The following TMEM192 variants were observed in gnomAD, a reference collection of about 807,000 sequenced individuals.
TMEM192 encodes the protein transmembrane protein 192.
TMEM192 carries 20 observed loss-of-function variants against 26.7 expected under a neutral mutation model. That is an observed-to-expected ratio of 0.75 (90% CI 0.53 to 1.09). TMEM192 has a LOEUF of 1.09. Ranked by LOEUF, TMEM192 falls within the 50% of genes least tolerant of loss-of-function variation. The probability of loss-of-function intolerance (pLI) is 0.00; values close to 1 mark genes in which losing one functional copy is unlikely to be tolerated. For synonymous variants in TMEM192, 124 were observed against 121.0 expected, an observed-to-expected ratio of 1.02 and a Z score of -0.16; for missense variants, 304 against 322.6, an observed-to-expected ratio of 0.94 and a Z score of 0.44.
At chr4:165,093,730 T>C (rs981967675) in intron 3 of TMEM192, among the ~76,000 whole-genome samples, 4 of 152,080 alleles carry the variant, frequency 2.6e-5, no homozygotes, top group Non-Finnish European at 5.9e-5. Flanking sequence ...ACAGTAATAG[T>C]CTAATAATGG....
rs1734465895 is a variant in TMEM192, at chr4:165,079,371, G to A, written c.*287C>T. The A allele has an allele frequency of 6.7e-6, 2 of 299,112 alleles. No individual in the cohort carries two copies. The highest frequency in any genetic ancestry group is 1.1e-4 in the South Asian group (1 of 9,054). 18.5% of individuals were successfully genotyped at this position (299,112 alleles called of 1,614,324 possible). ...CAGGTGGAAAAGTGTTGACTATGGA[G>A]TTGTTTAGCCTCTGATCCTAGGATA... On this transcript the variant is annotated 3_prime_UTR_variant, in exon 6 of 6. Coordinates refer to ENST00000306480, the MANE Select transcript of TMEM192 (RefSeq NM_001100389.2).
chr4:165,100,153 A>T (rs1049466624), intron 3 of TMEM192, among the ~76,000 whole-genome samples: 4 of 144,792 alleles, frequency 2.8e-5, no homozygotes, highest in African/African-American at 1.1e-4. Flanking sequence ...ATATTTCATA[A>T]TAAAAGTTCT....
intron 1 of TMEM192, among the ~76,000 whole-genome samples, chr4:165,109,383 C>A (rs913544445): frequency 6.6e-6 from 1 of 152,106 alleles, no homozygotes; most frequent in African/African-American, 2.4e-5. Context: ...ACTTTTGAGA[C>A]AGAATTTCGC....
chr4:165,090,572 C>T (rs1734735276), intron 3 of TMEM192, among the ~76,000 whole-genome samples: 1 of 152,022 alleles, frequency 6.6e-6, no homozygotes, highest in African/African-American at 2.4e-5. Flanking sequence ...AAAAGTGTTT[C>T]CCTGAGTTTT....
chr4:165,106,459 G>T (rs1392395783), intron 1 of TMEM192, among the ~76,000 whole-genome samples: 1 of 152,226 alleles, frequency 6.6e-6, no homozygotes, highest in Non-Finnish European at 1.5e-5. Context: ...AGTATCGTCT[G>T]TGAGGAGCCA....
intron 3 of TMEM192, among the ~76,000 whole-genome samples, chr4:165,099,102 C>CTTTTTTTTTTTTTT (rs1160535314): frequency 2.0e-4 from 25 of 126,206 alleles, no homozygotes; most frequent in East Asian, 4.7e-4. Flanking sequence ...TTTTTTCTTT[C>CTTTTTTTTTTTTTT]TTTTTTTTTT....
At chr4:165,100,102 T>C (rs1735003618) in intron 3 of TMEM192, among the ~76,000 whole-genome samples, 1 of 152,080 alleles carries the variant, frequency 6.6e-6, no homozygotes, top group Non-Finnish European at 1.5e-5. Context: ...GGACACCATG[T>C]TCATAACAAA....
rs138307874 is a variant in TMEM192, at chr4:165,076,229, C to T, written c.*3429G>A. 7.3e-4 allele frequency: 111 copies of T among 152,246 alleles called. No homozygotes were observed. Among genetic ancestry groups the T allele is most frequent in the African/African-American group, 2.4e-3 (99 of 41,550 alleles). 9.4% of individuals were successfully genotyped at this position (152,246 alleles called of 1,614,324 possible). A position where few individuals can be genotyped will look rare whatever the true frequency, so the allele number is the denominator to read the frequency against. ...CTATATCTATCTATATACCTATACACATACATACTTATAATAAAAGGTTTA... is the reference window on the plus strand; with the variant it reads ...CTATATCTATCTATATACCTATACATATACATACTTATAATAAAAGGTTTA... On this transcript the variant is annotated 3_prime_UTR_variant, in exon 6 of 6. Transcript: ENST00000306480.
Position 165,112,854 on chromosome 4 carries a change from A to G in TMEM192, c.-81T>C, listed in dbSNP as rs924279539. 1 of 1,530,776 alleles carries G rather than the reference A, an allele frequency of 6.5e-7. No homozygotes were observed. The highest frequency in any genetic ancestry group is 8.8e-7 in the Non-Finnish European group (1 of 1,140,842). 94.8% of individuals were successfully genotyped at this position (1,530,776 alleles called of 1,614,324 possible). A position where few individuals can be genotyped will look rare whatever the true frequency, so the allele number is the denominator to read the frequency against. On this transcript the variant is annotated 5_prime_UTR_variant, in exon 1 of 6. Transcript: ENST00000306480. ...TAAGCCTCTGGCCGCGAAACTCGCC[A>G]CCTTCTGGGACCTGCCAGGCCCCTC...
rs1370516645 is a variant in TMEM192 at position 165,112,832 on chromosome 4, G to A, written c.-59C>T. Reference sequence around the variant, plus strand: ...CCGGCCTCTCCACCTGGACCTGTAAGCCTCTGGCCGCGAAACTCGCCACCT... The same window carrying A: ...CCGGCCTCTCCACCTGGACCTGTAAACCTCTGGCCGCGAAACTCGCCACCT... On this transcript the variant is annotated 5_prime_UTR_variant, in exon 1 of 6. Transcript: ENST00000306480. 1.0e-5 allele frequency: 16 copies of A among 1,579,338 alleles called. No homozygotes were observed. Among genetic ancestry groups the A allele is most frequent in the African/African-American group, 1.4e-5 (1 of 73,114 alleles).
At chr4:165,105,317 C>A (rs1364178581) in intron 1 of TMEM192, among the ~76,000 whole-genome samples, 1 of 152,150 alleles carries the variant, frequency 6.6e-6, no homozygotes, top group Non-Finnish European at 1.5e-5. Context: ...TCATCAAAGA[C>A]CTGGGCTAAT....
chr4:165,097,701 A>T (rs539044103), intron 3 of TMEM192, among the ~76,000 whole-genome samples: 150 of 151,140 alleles, frequency 9.9e-4, no homozygotes, highest in African/African-American at 3.5e-3. Context: ...GCAGCCTCAA[A>T]CTCCTGGGCT....
In TMEM192 at chr4:165,102,966, A is replaced by C; in HGVS notation, c.158T>G (p.Leu53Arg). The C allele has an allele frequency of 6.2e-7, 1 of 1,612,126 alleles. No individual in the cohort carries two copies. The highest frequency in any genetic ancestry group is 2.2e-5 in the East Asian group (1 of 44,838). ...HPLPTVIIVN[L>R]LWFIHLVFVV... ...CCAACTTACATGAATAAACCACAGA[A>C]GATTCACTATGATGACTGTAGGAAG... The change falls in exon 2 of 6, where the codon CTT (leucine) becomes CGT (arginine). Residue 53 changes from leucine to arginine, a missense_variant. Coordinates refer to ENST00000306480, the MANE Select transcript of TMEM192 (RefSeq NM_001100389.2).
In TMEM192 at chr4:165,073,496, G is replaced by C. The variant is rs1734311330; in HGVS notation, c.*6162C>G. On this transcript the variant is annotated 3_prime_UTR_variant, in exon 6 of 6. Coordinates refer to ENST00000306480, the MANE Select transcript of TMEM192 (RefSeq NM_001100389.2). ...GTTTCCTCCCACTGAGACAGCCTGAGATACGGCCTCGTGGGAAAGGAAAGG... is the reference window on the plus strand; with the variant it reads ...GTTTCCTCCCACTGAGACAGCCTGACATACGGCCTCGTGGGAAAGGAAAGG... The C allele has an allele frequency of 1.3e-5, 2 of 152,260 alleles. No homozygotes were observed. The highest frequency in any genetic ancestry group is 4.1e-4 in the South Asian group (2 of 4,828). The allele number at this position is 152,260 out of a possible 1,614,324, so 9.4% of individuals were successfully genotyped here. A position where few individuals can be genotyped will look rare whatever the true frequency, so the allele number is the denominator to read the frequency against.
chr4:165,099,502 T>C (rs1375588344), intron 3 of TMEM192, among the ~76,000 whole-genome samples: 2 of 152,346 alleles, frequency 1.3e-5, no homozygotes, highest in African/African-American at 4.8e-5. Context: ...AAGTCTCATG[T>C]GGACCTTCTG....
chr4:165,079,534 T>A lies in TMEM192; in HGVS notation c.*124A>T. ...CAGAAGTCAGAACCAAATTCAGGTT[T>A]CCAACAAACACTGTAAAATGCTATT... On this transcript the variant is annotated 3_prime_UTR_variant, in exon 6 of 6. Transcript: ENST00000306480. The A allele has an allele frequency of 2.6e-6, 3 of 1,153,098 alleles. No homozygotes were observed. Among genetic ancestry groups the A allele is most frequent in the Non-Finnish European group, 3.5e-6 (3 of 854,078 alleles). 71.4% of individuals were successfully genotyped at this position (1,153,098 alleles called of 1,614,324 possible).
intron 1 of TMEM192, among the ~76,000 whole-genome samples, chr4:165,103,920 G>A (rs990864613): frequency 6.6e-6 from 1 of 152,040 alleles, no homozygotes; most frequent in South Asian, 2.1e-4. Flanking sequence ...TACCCACCTC[G>A]GCCTCCCAAA....
At chr4:165,094,404 C>T (rs2110768415) in intron 3 of TMEM192, among the ~76,000 whole-genome samples, 1 of 152,268 alleles carries the variant, frequency 6.6e-6, no homozygotes, top group African/African-American at 2.4e-5. Flanking sequence ...TTTTACATCA[C>T]TCACCGTTTT....
chr4:165,112,072 G>GT (rs1442515934), intron 1 of TMEM192, among the ~76,000 whole-genome samples: 3 of 152,122 alleles, frequency 2.0e-5, no homozygotes, highest in African/African-American at 7.2e-5. Context: ...TAGGCCACTG[G>GT]TTTTTTGTTT....
Sources: gnomAD v4.1 joint callset for allele counts (sites outside exome capture counted in the v4.1 genomes callset) on GRCh38, gnomAD v4.1.1 for gene constraint, MANE v1.5 for transcripts, NCBI Gene and HGNC (gene_info 2026-07-23, HGNC 2026-07-21) for gene names.